MACROD2: variants seen among roughly 807,000 people sequenced by gnomAD.
The protein encoded by MACROD2 is ADP-ribose glycohydrolase MACROD2.
Under a neutral mutation model 70.4 loss-of-function variants are expected in MACROD2, and 36 were observed. The observed-to-expected ratio is 0.51, with a 90% CI of 0.39 to 0.68. MACROD2 has a LOEUF of 0.68. Among genes scored for constraint, MACROD2 ranks in the 30% least tolerant of loss-of-function variants. The probability of loss-of-function intolerance (pLI) is 0.00; values close to 1 mark genes in which losing one functional copy is unlikely to be tolerated. For missense variants in MACROD2, 496 were observed against 538.4 expected, an observed-to-expected ratio of 0.92 and a Z score of 0.78; for synonymous variants, 172 against 178.8, an observed-to-expected ratio of 0.96 and a Z score of 0.30.
At chr20:15,111,746 G>A (rs2075957120) in intron 5 of MACROD2, among the ~76,000 whole-genome samples, 1 of 152,198 alleles carries the variant, frequency 6.6e-6, no homozygotes, top group African/African-American at 2.4e-5. Flanking sequence ...TTTTAGAGAG[G>A]ACAACTTGTA....
intron 7 of MACROD2, among the ~76,000 whole-genome samples, chr20:15,459,659 G>A (rs1376135408): frequency 6.6e-6 from 1 of 152,114 alleles, no homozygotes; most frequent in Non-Finnish European, 1.5e-5. Context: ...TATGAAGTTA[G>A]TAGGGGTCTT....
chr20:15,904,808 G>A (rs950618182), intron 10 of MACROD2, among the ~76,000 whole-genome samples: 2 of 151,184 alleles, frequency 1.3e-5, no homozygotes, highest in Non-Finnish European at 1.5e-5. Context: ...GTGAAGCTGG[G>A]AGGCGGAGCT....
intron 8 of MACROD2, among the ~76,000 whole-genome samples, chr20:15,555,851 A>AG (rs2048162089): frequency 1.4e-5 from 2 of 144,418 alleles, no homozygotes; most frequent in African/African-American, 2.8e-5. Context: ...AAAAAAAAAA[A>AG]AAAGGAAAAG....
chr20:14,657,597 A>C (rs1324362048), intron 4 of MACROD2, among the ~76,000 whole-genome samples: 1 of 152,236 alleles, frequency 6.6e-6, no homozygotes, highest in East Asian at 1.9e-4. Flanking sequence ...TAAAATAATT[A>C]AATCATTATC....
intron 6 of MACROD2, among the ~76,000 whole-genome samples, chr20:15,236,093 C>A (rs778097239): frequency 2.0e-5 from 3 of 152,178 alleles, no homozygotes; most frequent in Non-Finnish European, 4.4e-5. Flanking sequence ...GCAGTGTATT[C>A]CTATACATCA....
chr20:14,065,691 CTG>C (rs1223788967), intron 2 of MACROD2, among the ~76,000 whole-genome samples: 1 of 152,172 alleles, frequency 6.6e-6, no homozygotes, highest in Non-Finnish European at 1.5e-5. Flanking sequence ...AGTGGGGAAA[CTG>C]AGGCCTAGAA....
chr20:15,659,700 G>A (rs2049790912), intron 8 of MACROD2, among the ~76,000 whole-genome samples: 1 of 152,126 alleles, frequency 6.6e-6, no homozygotes, highest in Non-Finnish European at 1.5e-5. Context: ...CTGAGGCTGG[G>A]TAATTTATAA....
At chr20:15,380,418 A>C (rs6034168) in intron 6 of MACROD2, among the ~76,000 whole-genome samples, 21,636 of 137,260 alleles carry the variant, frequency 0.16, 2,141 homozygotes, top group African/African-American at 0.35. Context: ...GAAATAACTT[A>C]GGGAAAGTTT....
At chr20:15,850,182 G>A (rs1403421070) in intron 8 of MACROD2, among the ~76,000 whole-genome samples, 1 of 152,138 alleles carries the variant, frequency 6.6e-6, no homozygotes, top group African/African-American at 2.4e-5. Flanking sequence ...GCAGAGGTGA[G>A]GAGAGTTGAC....
chr20:14,407,109 C>G lies in MACROD2; in HGVS notation c.272-86370C>G, dbSNP rs529811269. ...TTTATTCAGATCTAGTGATATTACT[C>G]TAGTGGCAATGAAAAAAAAAACATG... On this transcript the variant is annotated intron_variant, in intron 3 of 17. Transcript: ENST00000684519. Among the ~76,000 whole-genome samples, 6 of 66,674 alleles carry G rather than the reference C, an allele frequency of 9.0e-5. No homozygotes were observed. In the Admixed American group the frequency reaches 1.0e-3, roughly 11 times the overall value. The allele number at this position is 66,674 out of a possible 152,430, so 43.7% of individuals were successfully genotyped here.
intron 6 of MACROD2, among the ~76,000 whole-genome samples, chr20:15,310,081 T>G (rs1297241342): frequency 6.6e-6 from 1 of 152,220 alleles, no homozygotes; most frequent in Non-Finnish European, 1.5e-5. Flanking sequence ...TATTTAGTCT[T>G]TCTAACCCTG....
chr20:15,898,666 C>T (rs953931848), intron 10 of MACROD2, among the ~76,000 whole-genome samples: 2 of 151,686 alleles, frequency 1.3e-5, no homozygotes, highest in African/African-American at 2.4e-5. Context: ...TGAAGATGCA[C>T]GCTCAAACTT....
intron 5 of MACROD2, among the ~76,000 whole-genome samples, chr20:14,824,803 C>A (rs1265358668): frequency 6.6e-6 from 1 of 151,992 alleles, no homozygotes; most frequent in Admixed American, 6.6e-5. Context: ...TCTTTGGAGG[C>A]CATGAAAGAA....
At chr20:15,420,338 C>G (rs887320420) in intron 6 of MACROD2, among the ~76,000 whole-genome samples, 1 of 151,818 alleles carries the variant, frequency 6.6e-6, no homozygotes, top group Admixed American at 6.6e-5. Context: ...TTTACGACAG[C>G]TATTTCAAAG....
In MACROD2 at chr20:15,188,419, A is replaced by T. The variant is rs182707752; in HGVS notation, c.419-41521A>T. ...GTCGAGCAACATGGTTAGTATATTA[A>T]CCTATTAGGGTTAGCCGATTCTAAT... On this transcript the variant is annotated intron_variant, in intron 5 of 17. Coordinates refer to ENST00000684519, the MANE Select transcript of MACROD2 (RefSeq NM_001351661.2). Among the ~76,000 whole-genome samples the T allele has an allele frequency of 8.8e-4, 134 of 152,274 alleles. 2 individuals carry two copies. The highest frequency in any genetic ancestry group is 1.5e-3 in the Non-Finnish European group (105 of 68,000).
chr20:14,892,523 GT>G (rs566033692), intron 5 of MACROD2, among the ~76,000 whole-genome samples: 2 of 152,196 alleles, frequency 1.3e-5, no homozygotes, highest in South Asian at 4.2e-4. Flanking sequence ...CTGGAGAATT[GT>G]TTTTAATTGT....
At chr20:15,910,676 A>G (rs1233285076) in intron 10 of MACROD2, among the ~76,000 whole-genome samples, 1 of 152,196 alleles carries the variant, frequency 6.6e-6, no homozygotes, top group South Asian at 2.1e-4. Flanking sequence ...CACACTGTAT[A>G]TGAAATTGAA....
At chr20:15,303,453 A>G (rs1193570505) in intron 6 of MACROD2, among the ~76,000 whole-genome samples, 1 of 152,134 alleles carries the variant, frequency 6.6e-6, no homozygotes, top group African/African-American at 2.4e-5. Flanking sequence ...GCCTTGCCCT[A>G]GACGTTCATG....
At chr20:15,963,320 C>A (rs2066091095) in intron 12 of MACROD2, among the ~76,000 whole-genome samples, 1 of 152,090 alleles carries the variant, frequency 6.6e-6, no homozygotes, top group African/African-American at 2.4e-5. Flanking sequence ...GCCAAAATGA[C>A]CTGCTGTCAT....
Sources: gnomAD v4.1 joint callset for allele counts (sites outside exome capture counted in the v4.1 genomes callset) on GRCh38, gnomAD v4.1.1 for gene constraint, MANE v1.5 for transcripts, NCBI Gene and HGNC (gene_info 2026-07-23, HGNC 2026-07-21) for gene names.